Variants in GOLIM4 observed in about 807,000 individuals in gnomAD.
GOLIM4 encodes 130 kDa golgi-localized phosphoprotein.
A neutral mutation model predicts 107.4 loss-of-function variants in GOLIM4; 71 were observed. That is an observed-to-expected ratio of 0.66 (90% CI 0.55 to 0.81). The LOEUF (loss-of-function observed/expected upper bound fraction) is 0.81. Ranked by LOEUF, GOLIM4 falls within the 30% of genes least tolerant of loss-of-function variation. GOLIM4 has a pLI of 0.00. For synonymous variants in GOLIM4, 327 were observed against 294.8 expected, an observed-to-expected ratio of 1.11 and a Z score of -1.12; for missense variants, 830 against 826.1, an observed-to-expected ratio of 1.00 and a Z score of -0.06.
intron 1 of GOLIM4, among the ~76,000 whole-genome samples, chr3:168,051,266 C>T (rs1381794751): frequency 6.6e-6 from 1 of 150,814 alleles, no homozygotes; most frequent in African/African-American, 2.4e-5. Context: ...TATTCTCTTC[C>T]CTTGGATTCA....
At chr3:168,019,270 AT>A (rs1228950803) in intron 14 of GOLIM4, among the ~76,000 whole-genome samples, 1 of 152,224 alleles carries the variant, frequency 6.6e-6, no homozygotes, top group Non-Finnish European at 1.5e-5. Context: ...TTCAAAAGCT[AT>A]TTCAATATTG....
chr3:168,038,124 T>A (rs1718767152), intron 7 of GOLIM4, among the ~76,000 whole-genome samples: 1 of 152,194 alleles, frequency 6.6e-6, no homozygotes, highest in African/African-American at 2.4e-5. Context: ...GCTAAATAAT[T>A]CCCAGGGCAC....
chr3:168,027,202 C>A (rs1359881580), intron 12 of GOLIM4, among the ~76,000 whole-genome samples: 1 of 152,156 alleles, frequency 6.6e-6, no homozygotes, highest in Non-Finnish European at 1.5e-5. Context: ...CATTGCATAC[C>A]TGAACAACTC....
At chr3:168,030,182 A>C in intron 9 of GOLIM4, 146 bp from the exon 10 acceptor site, 1 of 770,008 alleles carries the variant, frequency 1.3e-6, no homozygotes. Flanking sequence ...CATGAAGTCC[A>C]AAAACTCCTA....
chr3:168,010,611 CTGTTAAAT>C, intron 15 of GOLIM4, 124 bp downstream of exon 15: 2 of 806,358 alleles, frequency 2.5e-6, no homozygotes, highest in Non-Finnish European at 2.0e-6. Flanking sequence ...TCAGGTGGGC[CTGTTAAAT>C]TCAGTGGTAA....
At chr3:168,020,237 G>A (rs982916792) in intron 14 of GOLIM4, among the ~76,000 whole-genome samples, 2 of 152,200 alleles carry the variant, frequency 1.3e-5, no homozygotes, top group African/African-American at 4.8e-5. Flanking sequence ...ATGTATGTGT[G>A]GTTGGGGAGT....
Position 168,048,363 on chromosome 3 carries a change from C to G in GOLIM4, c.190G>C (p.Val64Leu). 6.8e-7 allele frequency: 1 copy of G among 1,463,588 alleles called. No individual in the cohort carries two copies. The highest frequency in any genetic ancestry group is 1.4e-5 in the African/African-American group (1 of 71,006). 90.7% of individuals were successfully genotyped at this position (1,463,588 alleles called of 1,614,324 possible). A position where few individuals can be genotyped will look rare whatever the true frequency, so the allele number is the denominator to read the frequency against. ...QESLSAQLQVVYEHRSRLEKS... is the reference protein window; with the variant it reads ...QESLSAQLQVLYEHRSRLEKS... ...TCTAATCTTGATCTGTGTTCATATA[C>G]AACTGGAAAAAAAGTTAACATTTTT... Residue 64 changes from valine (V) to leucine (L), a missense_variant and splice_region_variant, in exon 2 of 16, where the codon GTA (valine) becomes CTA (leucine). Physicochemically the swap from Val to Leu is conservative, Grantham distance 32. Transcript: ENST00000470487.
At chr3:168,056,913 G>A (rs1319798676) in intron 1 of GOLIM4, among the ~76,000 whole-genome samples, 2 of 152,086 alleles carry the variant, frequency 1.3e-5, no homozygotes, top group African/African-American at 4.8e-5. Flanking sequence ...TAAGACTTTG[G>A]GGGACTGTCG....
intron 9 of GOLIM4, among the ~76,000 whole-genome samples, 200 bp from the exon 10 acceptor site, chr3:168,030,236 G>A (rs1251158560): frequency 6.6e-6 from 1 of 152,118 alleles, no homozygotes; most frequent in East Asian, 1.9e-4. Context: ...TTTAGCAGCT[G>A]ATATTTCCAA....
intron 8 of GOLIM4, among the ~76,000 whole-genome samples, chr3:168,035,562 C>G (rs1405390261): frequency 6.6e-6 from 1 of 152,208 alleles, no homozygotes; most frequent in Non-Finnish European, 1.5e-5. Flanking sequence ...AAGTCAAATA[C>G]TACATGTTCT....
chr3:168,013,489 A>G (rs991723599), intron 14 of GOLIM4, among the ~76,000 whole-genome samples: 9 of 142,164 alleles, frequency 6.3e-5, no homozygotes, highest in African/African-American at 9.1e-5. Flanking sequence ...AACGAGACAG[A>G]AAGTCAACAA....
chr3:168,025,179 G>T, intron 12 of GOLIM4, 84 bp from the exon 13 acceptor site: 2 of 1,091,082 alleles, frequency 1.8e-6, no homozygotes, highest in Non-Finnish European at 2.7e-6. Context: ...CCCACTGGCA[G>T]AAAATGAAAT....
In GOLIM4 at chr3:168,032,766, C is replaced by G. The variant is rs1298402265; in HGVS notation, c.930G>C (p.Lys310Asn). Reference protein sequence around the residue: ...EDTKLYAPTHKEAEFQAPPEP... With the variant: ...EDTKLYAPTHNEAEFQAPPEP... Reference sequence around the variant, plus strand: ...CTGGGGGAGCCTGAAATTCTGCCTCCTTATGGGTGGGAGCATAGAGTTTTG... The same window carrying G: ...CTGGGGGAGCCTGAAATTCTGCCTCGTTATGGGTGGGAGCATAGAGTTTTG... The change falls in exon 9 of 16, where the codon AAG becomes AAC. Residue 310 changes from lysine to asparagine, a missense_variant. Coordinates refer to ENST00000470487, the MANE Select transcript of GOLIM4 (RefSeq NM_014498.5). 6.2e-7 allele frequency: 1 copy of G among 1,614,094 alleles called. No individual in the cohort carries two copies. The highest frequency in any genetic ancestry group is 1.1e-5 in the South Asian group (1 of 91,074).
chr3:168,029,093 G>A (rs1001453101), intron 11 of GOLIM4, 130 bp downstream of exon 11: 2 of 556,890 alleles, frequency 3.6e-6, no homozygotes, highest in Non-Finnish European at 6.3e-6. Context: ...AAAAAGACAT[G>A]ATTCACAAAC....
At position 168,032,558 on chromosome 3, in the gene GOLIM4, C is replaced by G. The variant is rs770165297; in HGVS notation, c.1138G>C (p.Glu380Gln). ...TGCCCTTCCAGGAGGTTGGCTGCTT[C>G]TCGTTGCTCATGCTGCTCTTTCCAC... ...REWKEQHEQR[E>Q]AANLLEGHAR... The change falls in exon 9 of 16, where the codon GAA (glutamate) becomes CAA (glutamine). Residue 380 changes from glutamate (E) to glutamine (Q), a missense_variant. Glu to Gln is a conservative substitution (Grantham distance 29, BLOSUM62 2). Transcript: ENST00000470487. 3.1e-6 allele frequency: 5 copies of G among 1,614,164 alleles called. No individual in the cohort carries two copies. In the South Asian group the frequency reaches 4.4e-5, roughly 14 times the overall value.
intron 14 of GOLIM4, among the ~76,000 whole-genome samples, chr3:168,020,884 C>A (rs1442853210): frequency 1.3e-5 from 2 of 152,176 alleles, no homozygotes; most frequent in Non-Finnish European, 2.9e-5. Flanking sequence ...TCTAACTGAT[C>A]TTTAAAATAT....
chr3:168,055,346 G>A (rs938903443), intron 1 of GOLIM4, among the ~76,000 whole-genome samples: 1 of 152,174 alleles, frequency 6.6e-6, no homozygotes, highest in African/African-American at 2.4e-5. Context: ...ATGGAGATGA[G>A]AAACTTGTTG....
At chr3:168,037,608 T>C (rs1219078155) in intron 7 of GOLIM4, among the ~76,000 whole-genome samples, 2 of 152,174 alleles carry the variant, frequency 1.3e-5, no homozygotes, top group Non-Finnish European at 2.9e-5. Context: ...ACAGCTGTGA[T>C]ATAGACTGGA....
rs1247991145 is a variant in GOLIM4 at position 168,029,306 on chromosome 3, C to G, written c.1434-4G>C. Reference sequence around the variant, plus strand: ...AGCATCATAATGAGCTTGCTGCCTACAAGAGACACAAACATGATAAATCCA... The same window carrying G: ...AGCATCATAATGAGCTTGCTGCCTAGAAGAGACACAAACATGATAAATCCA... On this transcript the variant is annotated splice_polypyrimidine_tract_variant and splice_region_variant and intron_variant, in intron 10 of 15. Coordinates refer to ENST00000470487, the MANE Select transcript of GOLIM4 (RefSeq NM_014498.5). 6.3e-7 allele frequency: 1 copy of G among 1,585,540 alleles called. No individual in the cohort carries two copies. The highest frequency in any genetic ancestry group is 8.6e-7 in the Non-Finnish European group (1 of 1,158,090).
Sources: gnomAD v4.1 joint callset for allele counts (sites outside exome capture counted in the v4.1 genomes callset) on GRCh38, gnomAD v4.1.1 for gene constraint, MANE v1.5 for transcripts, NCBI Gene and HGNC (gene_info 2026-07-23, HGNC 2026-07-21) for gene names.